Variants in DAB2IP observed in about 807,000 individuals in gnomAD.
DAB2IP encodes DAB2 interacting protein.
DAB2IP carries 28 observed loss-of-function variants against 107.2 expected under a neutral mutation model. The observed-to-expected ratio is 0.26, with a 90% confidence interval of 0.19 to 0.36. The LOEUF (loss-of-function observed/expected upper bound fraction) is 0.36. Among genes scored for constraint, DAB2IP ranks in the 10% least tolerant of loss-of-function variants. The pLI, the probability that DAB2IP is intolerant of heterozygous loss-of-function variation, is 1.00. For missense variants in DAB2IP, 1,400 were observed against 1,644.7 expected (o/e 0.85, Z 2.57); for synonymous variants, 755 against 706.4 (o/e 1.07, Z -1.09).
chr9:121,761,059 A>G (rs558624061), intron 6 of DAB2IP, among the ~76,000 whole-genome samples: 10 of 152,140 alleles, frequency 6.6e-5, no homozygotes, highest in East Asian at 5.8e-4. Context: ...GAGGTGCTCA[A>G]TGTCCATCTC....
At chr9:121,669,893 G>A (rs866749101) in intron 1 of DAB2IP, among the ~76,000 whole-genome samples, 18 of 152,274 alleles carry the variant, frequency 1.2e-4, no homozygotes, top group South Asian at 1.0e-3. Flanking sequence ...CCAGCTTCCC[G>A]ATGTCAGGGG....
intron 10 of DAB2IP, among the ~76,000 whole-genome samples, chr9:121,769,308 C>T (rs1236002570): frequency 3.3e-5 from 5 of 152,234 alleles, no homozygotes; most frequent in Non-Finnish European, 4.4e-5. Context: ...GAGGTGACCG[C>T]TCAGAGCACT....
chr9:121,648,326 G>T (rs12554667), upstream of DAB2IP, among the ~76,000 whole-genome samples: 60,013 of 151,986 alleles, frequency 0.39, 12,436 homozygotes, highest in African/African-American at 0.51. Context: ...AAGCAGGAAT[G>T]CACCAGGTGG....
At chr9:121,666,092 C>T (rs991764950) in intron 1 of DAB2IP, among the ~76,000 whole-genome samples, 3 of 152,202 alleles carry the variant, frequency 2.0e-5, no homozygotes, top group Admixed American at 2.0e-4. Flanking sequence ...CTTCTTGAGG[C>T]TCTGGAGAAG....
In DAB2IP at chr9:121,635,071, T is replaced by A. The variant is rs929197634; in HGVS notation, c.41-43607T>A. 2.6e-5 allele frequency among the ~76,000 whole-genome samples: 4 copies of A among 152,162 alleles called. No individual in the cohort carries two copies. The highest frequency in any genetic ancestry group is 9.7e-5 in the African/African-American group (4 of 41,432). On this transcript the variant is annotated intron_variant, in intron 1 of 16. Transcript: ENST00000259371. The surrounding 1 kb of genome is among the most constrained non-coding windows in gnomAD (Gnocchi z 4.3). The stretch of plus-strand genomic sequence containing the variant: ...GTGTGTGTGCATGTGCGTGTATGTC[T>A]ATGTGCGAAGGGGAAGCTTGGCAGA...
chr9:121,673,596 A>G (rs569693780), intron 1 of DAB2IP, among the ~76,000 whole-genome samples: 6 of 149,204 alleles, frequency 4.0e-5, no homozygotes, highest in African/African-American at 1.2e-4. Context: ...TTAAAATTTT[A>G]TGGAGGGGAA....
intron 13 of DAB2IP, among the ~76,000 whole-genome samples, chr9:121,775,190 C>T (rs961660112): frequency 6.6e-6 from 1 of 152,152 alleles, no homozygotes; most frequent in Non-Finnish European, 1.5e-5. Context: ...GAACGGCAGG[C>T]GCTTCTCCAC....
intron 1 of DAB2IP, among the ~76,000 whole-genome samples, chr9:121,603,328 G>T (rs1272155957): frequency 6.6e-6 from 1 of 152,218 alleles, no homozygotes; most frequent in Non-Finnish European, 1.5e-5. Context: ...CGCCTGCATA[G>T]ACCCCAGCTG....
intron 2 of DAB2IP, among the ~76,000 whole-genome samples, chr9:121,685,085 C>T (rs868050295): frequency 5.3e-5 from 8 of 152,158 alleles, no homozygotes; most frequent in Non-Finnish European, 7.4e-5. Flanking sequence ...ACCCAGCATC[C>T]GGCGTGTATT....
chr9:121,759,691 T>C (rs1027512471), intron 5 of DAB2IP, among the ~76,000 whole-genome samples, 194 bp from the exon 6 acceptor site: 14 of 152,288 alleles, frequency 9.2e-5, no homozygotes, highest in African/African-American at 3.4e-4. Context: ...GTGAGTGAGC[T>C]TCTGTGAGGT....
At chr9:121,583,755 G>A (rs977539914) in intron 1 of DAB2IP, among the ~76,000 whole-genome samples, 4 of 152,220 alleles carry the variant, frequency 2.6e-5, no homozygotes, top group African/African-American at 9.6e-5. Flanking sequence ...AGCCCCAAGA[G>A]CCTATAGGCT....
chr9:121,749,101 C>T (rs1351076528), intron 3 of DAB2IP, among the ~76,000 whole-genome samples: 14 of 152,196 alleles, frequency 9.2e-5, no homozygotes. Flanking sequence ...TCCCCAGGGC[C>T]CTGGGAGCCA....
rs150158454 is a variant in DAB2IP, at chr9:121,622,541, T to C, written c.40+55313T>C. On this transcript the variant is annotated intron_variant, in intron 1 of 16. Transcript: ENST00000259371. ...GTTACGTGGGTTTTGTCAGATACGC[T>C]GGGCTCCATGGCCGGGAGCCCTCCA... is the stretch of plus-strand genomic sequence containing the variant. 1.8e-3 allele frequency among the ~76,000 whole-genome samples: 272 copies of C among 152,294 alleles called. 2 individuals are homozygous for C. Among genetic ancestry groups the C allele is most frequent in the African/African-American group, 6.3e-3 (261 of 41,558 alleles).
intron 12 of DAB2IP, among the ~76,000 whole-genome samples, chr9:121,774,023 G>A (rs1459561368): frequency 6.6e-6 from 1 of 152,206 alleles, no homozygotes; most frequent in Non-Finnish European, 1.5e-5. Context: ...CTGTCCTCTT[G>A]GCAGCAGAGT....
At chr9:121,589,770 A>G (rs1034258194) in intron 1 of DAB2IP, among the ~76,000 whole-genome samples, 1 of 152,128 alleles carries the variant, frequency 6.6e-6, no homozygotes, top group Non-Finnish European at 1.5e-5. Context: ...CTGGTGCTCT[A>G]CATCCAGTGA....
intron 3 of DAB2IP, among the ~76,000 whole-genome samples, chr9:121,711,763 C>T (rs1210946784): frequency 2.0e-5 from 3 of 152,202 alleles, no homozygotes; most frequent in South Asian, 2.1e-4. Flanking sequence ...TACCAGCTCT[C>T]CTGTGTGTGG....
intron 3 of DAB2IP, among the ~76,000 whole-genome samples, chr9:121,739,892 T>C (rs185642380): frequency 6.6e-6 from 1 of 152,180 alleles, no homozygotes; most frequent in East Asian, 1.9e-4. Flanking sequence ...GCTCCAGCAC[T>C]GGGAGGAAAG....
rs559399024 is a variant in DAB2IP at position 121,770,456 on chromosome 9, C to T, written c.1900-90C>T. On this transcript the variant is annotated intron_variant, in intron 10 of 15. Coordinates refer to ENST00000408936, the Ensembl canonical transcript of DAB2IP. ...GGATCTGCACTTCTGACAGGCTCCG[C>T]AGTGGTTTTGAGCCATAGTGGCTGC... The T allele has an allele frequency of 1.5e-4, 211 of 1,430,360 alleles. 3 individuals are homozygous for T. In the South Asian group the frequency reaches 2.6e-3, roughly 18 times the overall value. The allele number at this position is 1,430,360 out of a possible 1,614,324, so 88.6% of individuals were successfully genotyped here. A position where few individuals can be genotyped will look rare whatever the true frequency, so the allele number is the denominator to read the frequency against.
chr9:121,699,232 GC>G lies in DAB2IP; in HGVS notation c.229-90del. The G allele has an allele frequency of 9.7e-7, 1 of 1,033,010 alleles. No homozygotes were observed. The allele number at this position is 1,033,010 out of a possible 1,614,324, so 64.0% of individuals were successfully genotyped here. A position where few individuals can be genotyped will look rare whatever the true frequency, so the allele number is the denominator to read the frequency against. On this transcript the variant is annotated intron_variant, in intron 2 of 15. Transcript: ENST00000408936. The surrounding 1 kb of genome is among the most constrained non-coding windows in gnomAD (Gnocchi z 6.2). ...CCGGCCCGCCCTCGGCCGCGCGGCC[GC>G]CCAGCAAGGGTGCGGGTCCCGCGCG... is the stretch of plus-strand genomic sequence containing the variant.
Sources: gnomAD v4.1 joint callset for allele counts (sites outside exome capture counted in the v4.1 genomes callset) on GRCh38, gnomAD v4.1.1 for gene constraint, Gnocchi (gnomAD v3.1) non-coding constraint, MANE v1.5 for transcripts, NCBI Gene and HGNC (gene_info 2026-07-23, HGNC 2026-07-21) for gene names.